Variants in CNTNAP2 observed in about 807,000 individuals in gnomAD.
CNTNAP2 encodes contactin associated protein 2.
A neutral mutation model predicts 155.2 loss-of-function variants in CNTNAP2; 98 were observed. That is an observed-to-expected ratio of 0.63 (90% CI 0.54 to 0.75). The LOEUF (loss-of-function observed/expected upper bound fraction) is 0.75. Ranked by LOEUF, CNTNAP2 falls within the 30% of genes least tolerant of loss-of-function variation. The pLI is 0.00. For missense variants in CNTNAP2, 1,727 were observed against 1,688.1 expected, an observed-to-expected ratio of 1.02 and a Z score of -0.40; for synonymous variants, 651 against 631.2, an observed-to-expected ratio of 1.03 and a Z score of -0.47.
At chr7:146,571,614 A>C (rs1798440722) in intron 1 of CNTNAP2, among the ~76,000 whole-genome samples, 1 of 152,142 alleles carries the variant, frequency 6.6e-6, no homozygotes, top group Non-Finnish European at 1.5e-5. Flanking sequence ...TCAACCTATT[A>C]ATTTTGAAAC....
intron 15 of CNTNAP2, among the ~76,000 whole-genome samples, chr7:148,038,237 C>T (rs941196846): frequency 8.5e-5 from 13 of 152,148 alleles, no homozygotes; most frequent in Admixed American, 3.9e-4. Flanking sequence ...TGTCCATCAA[C>T]CCCATCAACT....
intron 8 of CNTNAP2, among the ~76,000 whole-genome samples, chr7:147,240,308 G>A (rs1020391942): frequency 1.4e-4 from 21 of 152,178 alleles, no homozygotes; most frequent in Non-Finnish European, 2.9e-5. Context: ...TTGGGTGATA[G>A]ATGGAGACCC....
intron 15 of CNTNAP2, among the ~76,000 whole-genome samples, chr7:148,011,301 T>C (rs913566330): frequency 6.6e-6 from 1 of 152,234 alleles, no homozygotes; most frequent in Non-Finnish European, 1.5e-5. Context: ...AGTATTTGTG[T>C]ATCCTGTTTT....
chr7:146,614,159 T>A (rs1799185753), intron 1 of CNTNAP2, among the ~76,000 whole-genome samples: 1 of 152,208 alleles, frequency 6.6e-6, no homozygotes, highest in African/African-American at 2.4e-5. Context: ...TTACTAGAGT[T>A]AACCTTTTAT....
At chr7:146,874,614 C>T (rs960201466) in intron 3 of CNTNAP2, among the ~76,000 whole-genome samples, 5 of 152,194 alleles carry the variant, frequency 3.3e-5, no homozygotes, top group East Asian at 1.9e-4. Context: ...GCTGGGATTA[C>T]AGGCGTGAGC....
intron 1 of CNTNAP2, among the ~76,000 whole-genome samples, chr7:146,294,458 C>T (rs948012139): frequency 1.3e-5 from 2 of 152,154 alleles, no homozygotes; most frequent in African/African-American, 4.8e-5. Flanking sequence ...TCAGCTGGCC[C>T]AGATCCAAAC....
At chr7:146,588,646 T>A (rs1798735134) in intron 1 of CNTNAP2, among the ~76,000 whole-genome samples, 1 of 152,060 alleles carries the variant, frequency 6.6e-6, no homozygotes, top group South Asian at 2.1e-4. Flanking sequence ...TAGCTGGGAC[T>A]ACGAGTGTAT....
At chr7:147,734,959 A>G (rs985771800) in intron 13 of CNTNAP2, among the ~76,000 whole-genome samples, 1 of 148,698 alleles carries the variant, frequency 6.7e-6, no homozygotes, top group African/African-American at 2.5e-5. Flanking sequence ...GATCTTTTCA[A>G]AAAACCAGCT....
chr7:147,674,070 C>T (rs1270113576), intron 13 of CNTNAP2, among the ~76,000 whole-genome samples: 5 of 151,856 alleles, frequency 3.3e-5, no homozygotes, highest in African/African-American at 9.7e-5. Flanking sequence ...TAGCTATGAC[C>T]GTGACGATTT....
intron 8 of CNTNAP2, among the ~76,000 whole-genome samples, chr7:147,264,900 C>T (rs888988353): frequency 6.6e-6 from 1 of 152,028 alleles, no homozygotes; most frequent in African/African-American, 2.4e-5. Flanking sequence ...TGAGGTCAAG[C>T]TGCATTTTCC....
intron 3 of CNTNAP2, among the ~76,000 whole-genome samples, chr7:147,031,828 G>A (rs991857723): frequency 7.9e-5 from 12 of 152,228 alleles, no homozygotes; most frequent in Admixed American, 5.2e-4. Context: ...TGAGGTGGAA[G>A]AATCACTTGA....
chr7:146,360,594 G>A (rs1795068596), intron 1 of CNTNAP2, among the ~76,000 whole-genome samples: 5 of 152,202 alleles, frequency 3.3e-5, no homozygotes. Flanking sequence ...TTTGCAAGCT[G>A]TATTTGCCCT....
At chr7:146,668,434 GT>G (rs1800236929) in intron 1 of CNTNAP2, among the ~76,000 whole-genome samples, 1 of 83,824 alleles carries the variant, frequency 1.2e-5, no homozygotes, top group South Asian at 8.3e-4. Flanking sequence ...TTTCCTGTGT[GT>G]GTGTGTGTGT....
chr7:146,478,971 T>G (rs977716724), intron 1 of CNTNAP2, among the ~76,000 whole-genome samples: 2 of 152,162 alleles, frequency 1.3e-5, no homozygotes, highest in African/African-American at 4.8e-5. Context: ...TTTTCTGTTC[T>G]CTACTCAAAA....
At chr7:147,824,175 T>C (rs903865522) in intron 13 of CNTNAP2, among the ~76,000 whole-genome samples, 4 of 152,160 alleles carry the variant, frequency 2.6e-5, no homozygotes, top group African/African-American at 9.6e-5. Context: ...GTGTAGTCTC[T>C]CCTTTATTCA....
At chr7:146,371,938 G>A (rs183566795) in intron 1 of CNTNAP2, among the ~76,000 whole-genome samples, 4,859 of 146,814 alleles carry the variant, frequency 0.033, 278 homozygotes, top group African/African-American at 0.12. Context: ...CAGCCTGGGC[G>A]ACAGAGTGAA....
intron 13 of CNTNAP2, among the ~76,000 whole-genome samples, chr7:147,773,557 C>T (rs904668063): frequency 2.0e-5 from 3 of 152,148 alleles, no homozygotes; most frequent in South Asian, 2.1e-4. Flanking sequence ...AACATATAGT[C>T]CAAAACAACA....
intron 1 of CNTNAP2, among the ~76,000 whole-genome samples, chr7:146,412,218 C>G (rs1169344468): frequency 6.6e-6 from 1 of 152,164 alleles, no homozygotes; most frequent in Non-Finnish European, 1.5e-5. Context: ...CTCCTGTTAA[C>G]CAGGAGCCAG....
At chr7:147,371,342 G>C (rs1796334746) in intron 9 of CNTNAP2, among the ~76,000 whole-genome samples, 1 of 152,110 alleles carries the variant, frequency 6.6e-6, no homozygotes, top group Non-Finnish European at 1.5e-5. Context: ...CTAAGAAATT[G>C]CAGCCTACCT....
Sources: gnomAD v4.1 joint callset for allele counts (sites outside exome capture counted in the v4.1 genomes callset) on GRCh38, gnomAD v4.1.1 for gene constraint, MANE v1.5 for transcripts, NCBI Gene and HGNC (gene_info 2026-07-23, HGNC 2026-07-21) for gene names.